PXDNL: variants seen among roughly 807,000 people sequenced by gnomAD.
The protein encoded by PXDNL is peroxidasin like.
A neutral mutation model predicts 150.8 loss-of-function variants in PXDNL; 145 were observed. The ratio of observed to expected loss-of-function variants is 0.96; its 90% CI spans 0.84 to 1.10. The LOEUF is 1.10. Among genes scored for constraint, PXDNL ranks in the 50% least tolerant of loss-of-function variants. The pLI is 0.00. For synonymous variants in PXDNL, 757 were observed against 725.7 expected (o/e 1.04, Z -0.69); for missense variants, 2,087 against 1,873.9 (o/e 1.11, Z -2.10).
chr8:51,648,849 T>A (rs1457912144), intron 2 of PXDNL, among the ~76,000 whole-genome samples: 1 of 152,242 alleles, frequency 6.6e-6, no homozygotes, highest in Non-Finnish European at 1.5e-5. Context: ...TATGCTGTTA[T>A]AATGATTTCA....
At chr8:51,529,663 A>G (rs1207254516) in intron 4 of PXDNL, among the ~76,000 whole-genome samples, 1 of 152,118 alleles carries the variant, frequency 6.6e-6, no homozygotes, top group Non-Finnish European at 1.5e-5. Context: ...ACTCCCAAAT[A>G]TTGATCTCCC....
chr8:51,494,396 A>T (rs1210547180), intron 5 of PXDNL, among the ~76,000 whole-genome samples: 1 of 152,148 alleles, frequency 6.6e-6, no homozygotes, highest in East Asian at 1.9e-4. Flanking sequence ...ACCAGCTAAC[A>T]TCATAATGAC....
At chr8:51,629,871 T>G (rs2130752606) in intron 2 of PXDNL, among the ~76,000 whole-genome samples, 1 of 152,308 alleles carries the variant, frequency 6.6e-6, no homozygotes, top group East Asian at 1.9e-4. Flanking sequence ...CCCAAAGCAA[T>G]TTGCAGATTC....
At chr8:51,339,845 T>G (rs1437593) in intron 20 of PXDNL, 92 bp from the exon 21 acceptor site, 1 of 1,288,766 alleles carries the variant, frequency 7.8e-7, no homozygotes, top group Non-Finnish European at 1.1e-6. Context: ...TCATTTGGCA[T>G]GTACAAGGCA....
chr8:51,446,155 T>C (rs551676877), intron 12 of PXDNL, among the ~76,000 whole-genome samples: 1 of 152,348 alleles, frequency 6.6e-6, no homozygotes, highest in Non-Finnish European at 1.5e-5. Context: ...CATGAACATG[T>C]CAGCATTCCC....
chr8:51,497,020 C>T (rs1811067849), intron 5 of PXDNL, among the ~76,000 whole-genome samples: 1 of 152,162 alleles, frequency 6.6e-6, no homozygotes, highest in South Asian at 2.1e-4. Context: ...CATCACCCTA[C>T]CTGACTTCAA....
chr8:51,608,803 C>G (rs910574142), intron 2 of PXDNL, among the ~76,000 whole-genome samples: 1 of 136,228 alleles, frequency 7.3e-6, no homozygotes, highest in African/African-American at 2.9e-5. Context: ...CGCCACTGCA[C>G]TCCAGCCTAG....
chr8:51,647,608 G>GTATATATA (rs1781937432), intron 2 of PXDNL, among the ~76,000 whole-genome samples: 1 of 152,136 alleles, frequency 6.6e-6, no homozygotes, highest in Non-Finnish European at 1.5e-5. Flanking sequence ...GTATATGAGG[G>GTATATATA]GCAGTATTAT....
chr8:51,497,680 A>G (rs535409702), intron 5 of PXDNL, among the ~76,000 whole-genome samples: 1 of 152,248 alleles, frequency 6.6e-6, no homozygotes, highest in Non-Finnish European at 1.5e-5. Context: ...ACTTAAAAAA[A>G]TGCTCATCAT....
intron 5 of PXDNL, among the ~76,000 whole-genome samples, chr8:51,485,465 G>A (rs4873554): frequency 0.2 from 30,125 of 152,006 alleles, 3,250 homozygotes; most frequent in African/African-American, 0.26. Flanking sequence ...TACATTGTCC[G>A]ATTTTAGCAA....
chr8:51,763,060 TAAAG>T (rs952095999), intron 1 of PXDNL, among the ~76,000 whole-genome samples: 3 of 152,102 alleles, frequency 2.0e-5, no homozygotes, highest in Non-Finnish European at 4.4e-5. Context: ...CAACACCCCA[TAAAG>T]AAACTCCATA....
chr8:51,598,900 G>T (rs1813631774), intron 2 of PXDNL, among the ~76,000 whole-genome samples: 1 of 142,756 alleles, frequency 7.0e-6, no homozygotes, highest in East Asian at 2.1e-4. Context: ...TTTTATTACT[G>T]ATTCAATTTT....
intron 21 of PXDNL, among the ~76,000 whole-genome samples, chr8:51,337,944 C>T (rs1237115727): frequency 1.4e-5 from 2 of 143,170 alleles, no homozygotes; most frequent in Non-Finnish European, 3.0e-5. Flanking sequence ...TTTGGGAGGT[C>T]GAAGCGGGCA....
chr8:51,528,001 A>G (rs553260114), intron 4 of PXDNL, among the ~76,000 whole-genome samples: 1 of 152,266 alleles, frequency 6.6e-6, no homozygotes, highest in East Asian at 1.9e-4. Flanking sequence ...CATCTGTCTA[A>G]TCTAGTAGTT....
At chr8:51,375,475 T>C (rs1187385890) in intron 17 of PXDNL, among the ~76,000 whole-genome samples, 3 of 152,250 alleles carry the variant, frequency 2.0e-5, no homozygotes, top group Non-Finnish European at 4.4e-5. Flanking sequence ...GTTTCATACA[T>C]ATGATTCTCT....
chr8:51,645,119 A>G (rs1351792403), intron 2 of PXDNL, among the ~76,000 whole-genome samples: 1 of 152,048 alleles, frequency 6.6e-6, no homozygotes, highest in Non-Finnish European at 1.5e-5. Context: ...TGCAGATTCC[A>G]GTTTTGAAGT....
intron 20 of PXDNL, among the ~76,000 whole-genome samples, chr8:51,340,487 T>C (rs1021879814): frequency 2.6e-5 from 4 of 152,228 alleles, no homozygotes; most frequent in African/African-American, 9.6e-5. Context: ...TTTTCCAAAT[T>C]TTGTAAAAAG....
Position 51,409,314 on chromosome 8 carries a change from AGGAAGGCCGAGCCCGC to A in PXDNL, c.2294_2309del (p.Arg765LeufsTer41). On this transcript the variant is annotated frameshift_variant, in exon 17 of 23. Transcript: ENST00000356297. LOFTEE classifies it high-confidence loss of function. ...GCGGGAGGGGCTGGCGGGAGCCCAC[AGGAAGGCCGAGCCCGC>A]GGGGCGCGCGGATGCCGTCCCGGTA... 7.0e-7 allele frequency: 1 copy of A among 1,423,748 alleles called. No individual in the cohort carries two copies. Among genetic ancestry groups the A allele is most frequent in the Non-Finnish European group, 9.1e-7 (1 of 1,096,024 alleles). The allele number at this position is 1,423,748 out of a possible 1,614,324, so 88.2% of individuals were successfully genotyped here. A position where few individuals can be genotyped will look rare whatever the true frequency, so the allele number is the denominator to read the frequency against.
At chr8:51,562,369 A>C (rs1812735851) in intron 3 of PXDNL, among the ~76,000 whole-genome samples, 1 of 151,998 alleles carries the variant, frequency 6.6e-6, no homozygotes, top group Non-Finnish European at 1.5e-5. Flanking sequence ...ATAACTAAAG[A>C]TTCTTTCCCT....
Sources: gnomAD v4.1 joint callset for allele counts (sites outside exome capture counted in the v4.1 genomes callset) on GRCh38, gnomAD v4.1.1 for gene constraint, MANE v1.5 for transcripts, NCBI Gene and HGNC (gene_info 2026-07-23, HGNC 2026-07-21) for gene names.